The following SNX29 variants were observed in gnomAD, a reference collection of about 807,000 sequenced individuals.
SNX29 encodes the protein sorting nexin 29, also known as sorting nexin-29.
In SNX29, 78 loss-of-function variants were observed where a neutral mutation model predicts 102.1. The observed-to-expected ratio is 0.76, with a 90% CI of 0.64 to 0.92. The LOEUF is 0.92. Ranked by LOEUF, SNX29 falls within the 40% of genes least tolerant of loss-of-function variation. SNX29 has a pLI of 0.00. For synonymous variants in SNX29, 580 were observed against 414.5 expected, an observed-to-expected ratio of 1.40 and a Z score of -4.85; for missense variants, 1,280 against 1,061.7, an observed-to-expected ratio of 1.21 and a Z score of -2.86.
intron 18 of SNX29, among the ~76,000 whole-genome samples, chr16:12,449,715 C>G (rs1193186698): frequency 6.6e-6 from 1 of 152,240 alleles, no homozygotes. Flanking sequence ...GCCTGTCTCA[C>G]TTCAGAGCCT....
intron 16 of SNX29, among the ~76,000 whole-genome samples, chr16:12,369,255 C>A (rs2082595940): frequency 6.6e-6 from 1 of 151,996 alleles, no homozygotes; most frequent in Non-Finnish European, 1.5e-5. Context: ...CCTGCCTTAG[C>A]CTCCCGAGTA....
chr16:12,045,823 C>T (rs2050065558), intron 5 of SNX29, among the ~76,000 whole-genome samples: 1 of 151,958 alleles, frequency 6.6e-6, no homozygotes, highest in Non-Finnish European at 1.5e-5. Flanking sequence ...TGGGGTTTCA[C>T]TGTGTTGGCC....
chr16:12,452,837 C>T (rs1326154369), intron 18 of SNX29, among the ~76,000 whole-genome samples: 11 of 152,318 alleles, frequency 7.2e-5, no homozygotes, highest in Non-Finnish European at 1.5e-5. Context: ...ACAGGTCTAT[C>T]TATCCTGTTC....
chr16:12,559,262 C>G (rs567970129), intron 20 of SNX29, among the ~76,000 whole-genome samples: 123 of 152,196 alleles, frequency 8.1e-4, no homozygotes, highest in African/African-American at 2.8e-3. Flanking sequence ...TGAGCTCTGC[C>G]TGTCAGATCA....
At chr16:12,341,797 G>C (rs2081618045) in intron 15 of SNX29, among the ~76,000 whole-genome samples, 2 of 152,230 alleles carry the variant, frequency 1.3e-5, no homozygotes, top group Non-Finnish European at 2.9e-5. Context: ...GTTGTGCAGA[G>C]GGGGCTGGGA....
intron 18 of SNX29, among the ~76,000 whole-genome samples, chr16:12,476,428 A>ATACATATATG (rs2087650545): frequency 1.0e-5 from 1 of 96,516 alleles, no homozygotes; most frequent in East Asian, 3.0e-4. Context: ...ATATATATAT[A>ATACATATATG]TATATATATA....
rs373102990 is a variant in SNX29 at position 12,436,633 on chromosome 16, C to T, written c.2037+33104C>T. On this transcript the variant is annotated intron_variant, in intron 18 of 20. Coordinates refer to ENST00000566228, the MANE Select transcript of SNX29 (RefSeq NM_032167.5). Reference sequence around the variant, plus strand: ...CCTAGCCCCTGGCCTGCCATGAGGGCCATCATCTTTAGGCACTTTCTGACC... The same window carrying T: ...CCTAGCCCCTGGCCTGCCATGAGGGTCATCATCTTTAGGCACTTTCTGACC... Among the ~76,000 whole-genome samples the T allele has an allele frequency of 4.6e-5, 7 of 152,322 alleles. No individual in the cohort carries two copies. The East Asian group carries it at 9.7e-4, about 21-fold the overall frequency.
At chr16:12,441,459 C>G (rs768603063) in intron 18 of SNX29, among the ~76,000 whole-genome samples, 7 of 152,090 alleles carry the variant, frequency 4.6e-5, no homozygotes, top group Non-Finnish European at 8.8e-5. Context: ...ATCCATTCAT[C>G]TCCTGATGGC....
intron 13 of SNX29, among the ~76,000 whole-genome samples, chr16:12,134,956 C>G (rs972789558): frequency 2.0e-5 from 3 of 152,166 alleles, no homozygotes; most frequent in Non-Finnish European, 4.4e-5. Flanking sequence ...GCCAGAAAAG[C>G]TCATGGTGTA....
At chr16:12,001,961 C>G (rs2056303278) in intron 2 of SNX29, among the ~76,000 whole-genome samples, 1 of 151,090 alleles carries the variant, frequency 6.6e-6, no homozygotes, top group Admixed American at 6.6e-5. Flanking sequence ...TCGAGATTAC[C>G]ATGAGCTATG....
chr16:12,456,317 A>G (rs1051799674), intron 18 of SNX29, among the ~76,000 whole-genome samples: 4 of 152,250 alleles, frequency 2.6e-5, no homozygotes. Flanking sequence ...ATTGCCTGCC[A>G]TTTCAAATGA....
intron 19 of SNX29, among the ~76,000 whole-genome samples, chr16:12,501,664 G>A (rs2089129398): frequency 7.1e-6 from 1 of 141,412 alleles, no homozygotes; most frequent in Non-Finnish European, 1.5e-5. Context: ...AGAGGTTCCA[G>A]TGGGCTAAGA....
chr16:12,430,988 G>A (rs2085288578), intron 18 of SNX29, among the ~76,000 whole-genome samples: 1 of 152,044 alleles, frequency 6.6e-6, no homozygotes, highest in African/African-American at 2.4e-5. Flanking sequence ...GAGTAGCAGG[G>A]ATTAGAGGCA....
chr16:12,117,582 G>GA (rs2053787024), intron 11 of SNX29, among the ~76,000 whole-genome samples: 1 of 152,222 alleles, frequency 6.6e-6, no homozygotes, highest in African/African-American at 2.4e-5. Flanking sequence ...AATTCATAGA[G>GA]ACGCAATGTG....
chr16:12,189,522 A>G (rs2076591446), intron 13 of SNX29, among the ~76,000 whole-genome samples: 1 of 152,186 alleles, frequency 6.6e-6, no homozygotes, highest in Non-Finnish European at 1.5e-5. Context: ...TTTTTAGTGC[A>G]TCCTGGCAGG....
intron 18 of SNX29, among the ~76,000 whole-genome samples, chr16:12,461,092 T>A (rs1015270779): frequency 6.6e-6 from 1 of 152,226 alleles, no homozygotes; most frequent in African/African-American, 2.4e-5. Context: ...ATTAAGAAAT[T>A]GAAGCATGTG....
At chr16:12,310,295 G>A (rs1452238565) in intron 15 of SNX29, among the ~76,000 whole-genome samples, 1 of 152,172 alleles carries the variant, frequency 6.6e-6, no homozygotes, top group Admixed American at 6.5e-5. Context: ...AGCTTCAAAG[G>A]CAAGGTTCTC....
chr16:12,482,785 A>G (rs751427961), intron 19 of SNX29, among the ~76,000 whole-genome samples: 6 of 152,236 alleles, frequency 3.9e-5, no homozygotes, highest in Non-Finnish European at 8.8e-5. Context: ...CAATGCCATC[A>G]TTGGTGATTG....
chr16:12,269,924 G>A (rs1334368975), intron 14 of SNX29, among the ~76,000 whole-genome samples: 2 of 151,806 alleles, frequency 1.3e-5, no homozygotes. Flanking sequence ...GCAGTGGTGC[G>A]ATCTTGGGTC....
Sources: gnomAD v4.1 joint callset for allele counts (sites outside exome capture counted in the v4.1 genomes callset) on GRCh38, gnomAD v4.1.1 for gene constraint, MANE v1.5 for transcripts, NCBI Gene and HGNC (gene_info 2026-07-23, HGNC 2026-07-21) for gene names.